The following PCDHA12 variants were observed in gnomAD, a reference collection of about 807,000 sequenced individuals.
PCDHA12 encodes the protein protocadherin alpha 12, also known as protocadherin alpha-12.
In PCDHA12, 44 loss-of-function variants were observed where a neutral mutation model predicts 60.0. That is an observed-to-expected ratio of 0.73 (90% CI 0.58 to 0.94). The LOEUF is 0.94. Among genes scored for constraint, PCDHA12 ranks in the 40% least tolerant of loss-of-function variants. PCDHA12 has a pLI of 0.00. For missense variants in PCDHA12, 1,276 were observed against 1,239.7 expected (o/e 1.03, Z -0.44); for synonymous variants, 569 against 553.0 (o/e 1.03, Z -0.40).
At chr5:140,977,816 T>C (rs2096776197) in intron 1 of PCDHA12, among the ~76,000 whole-genome samples, 1 of 152,190 alleles carries the variant, frequency 6.6e-6, no homozygotes, top group Non-Finnish European at 1.5e-5. Flanking sequence ...TTATTGACAG[T>C]TTTGAATGGT....
At chr5:140,886,042 A>G (rs1450330062) in intron 1 of PCDHA12, among the ~76,000 whole-genome samples, 1 of 152,222 alleles carries the variant, frequency 6.6e-6, no homozygotes, top group African/African-American at 2.4e-5. Context: ...GTTTTCCCCA[A>G]TAGTAACATC....
At chr5:140,965,703 G>T (rs1280783019) in intron 1 of PCDHA12, among the ~76,000 whole-genome samples, 1 of 152,178 alleles carries the variant, frequency 6.6e-6, no homozygotes, top group Non-Finnish European at 1.5e-5. Flanking sequence ...GAAAAAGCTT[G>T]AGAGAAGAAT....
intron 3 of PCDHA12, among the ~76,000 whole-genome samples, chr5:140,985,651 T>A (rs1413086230): frequency 6.6e-6 from 1 of 151,992 alleles, no homozygotes; most frequent in Non-Finnish European, 1.5e-5. Context: ...ACACTTGCAA[T>A]GGCTGAATAA....
At chr5:140,943,796 C>T (rs2093568961) in intron 1 of PCDHA12, among the ~76,000 whole-genome samples, 1 of 152,032 alleles carries the variant, frequency 6.6e-6, no homozygotes, top group Non-Finnish European at 1.5e-5. Flanking sequence ...TTATGCAAAG[C>T]AAAAGAGGAA....
intron 3 of PCDHA12, among the ~76,000 whole-genome samples, chr5:141,005,628 G>C: frequency 6.7e-6 from 1 of 148,974 alleles, no homozygotes; most frequent in Non-Finnish European, 1.5e-5. Context: ...CGTGAACCCG[G>C]GAGGCGGAGC....
At chr5:140,935,721 A>G (rs2090523952) in intron 1 of PCDHA12, among the ~76,000 whole-genome samples, 1 of 152,196 alleles carries the variant, frequency 6.6e-6, no homozygotes, top group African/African-American at 2.4e-5. Context: ...ATATATTTAG[A>G]GAAGTCTAGT....
intron 1 of PCDHA12, among the ~76,000 whole-genome samples, chr5:140,893,186 T>C (rs2063863300): frequency 6.6e-6 from 1 of 152,230 alleles, no homozygotes; most frequent in Admixed American, 6.5e-5. Context: ...GTAGCTATTG[T>C]GAATAGTGCT....
intron 1 of PCDHA12, among the ~76,000 whole-genome samples, chr5:140,976,765 C>T (rs1483381591): frequency 6.6e-6 from 1 of 152,172 alleles, no homozygotes; most frequent in Non-Finnish European, 1.5e-5. Context: ...CAGAAGCCTG[C>T]TAGACTCTGA....
At chr5:140,926,131 A>G (rs2082931602) in intron 1 of PCDHA12, among the ~76,000 whole-genome samples, 1 of 152,076 alleles carries the variant, frequency 6.6e-6, no homozygotes, top group Non-Finnish European at 1.5e-5. Context: ...TTCAACCCGC[A>G]GCAGGATCCA....
At position 140,875,630 on chromosome 5, in the gene PCDHA12, G is replaced by A; in HGVS notation, c.158G>A (p.Gly53Glu). Residue 53 changes from glycine (G) to glutamate (E), a missense_variant, in exon 1 of 4, where the codon GGG (glycine) becomes GAG (glutamate). Coordinates refer to ENST00000398631, the MANE Select transcript of PCDHA12 (RefSeq NM_018903.4). ...TFVGRIAQDL[G>E]LELAELVPRL... ...GTGGGCCGCATCGCTCAGGACCTGG[G>A]GCTGGAGCTGGCGGAGCTGGTGCCG... The A allele has an allele frequency of 6.2e-7, 1 of 1,613,686 alleles. No homozygotes were observed.
chr5:140,973,674 T>A (rs782774613), intron 1 of PCDHA12, among the ~76,000 whole-genome samples: 10 of 152,264 alleles, frequency 6.6e-5, no homozygotes, highest in Non-Finnish European at 1.3e-4. Flanking sequence ...GTAGCTTGAA[T>A]GTCATTGGCC....
Position 140,959,365 on chromosome 5 carries a change from C to A in PCDHA12, c.2368-19584C>A, listed in dbSNP as rs77362755. On this transcript the variant is annotated intron_variant, in intron 1 of 3. Transcript: ENST00000398631. ...ACTCCAGCGGGACAACTGAGTGAGA[C>A]CCTGTCTCAAAAAAAAAAGTCACAA... Among the ~76,000 whole-genome samples the A allele has an allele frequency of 1.0e-3, 158 of 151,880 alleles. 5 individuals carry two copies. In the East Asian group the frequency reaches 0.028, roughly 27 times the overall value.
chr5:140,891,635 G>A (rs1266162781), intron 1 of PCDHA12, among the ~76,000 whole-genome samples: 3 of 151,868 alleles, frequency 2.0e-5, no homozygotes, highest in African/African-American at 7.3e-5. Context: ...TTTGCTCTTT[G>A]GGCTTTATTG....
rs782166134 is a variant in PCDHA12 at position 140,929,299 on chromosome 5, G to C, written c.2368-49650G>C. Reference sequence around the variant, plus strand: ...CTGTATTCAGATTCGGAATAGGAAAGGGGATCACGCTAATGTCAATGCCAT... The same window carrying C: ...CTGTATTCAGATTCGGAATAGGAAACGGGATCACGCTAATGTCAATGCCAT... On this transcript the variant is annotated intron_variant, in intron 1 of 3. Coordinates refer to ENST00000398631, the MANE Select transcript of PCDHA12 (RefSeq NM_018903.4). 1.2e-5 allele frequency: 19 copies of C among 1,590,714 alleles called. No individual in the cohort carries two copies. The highest frequency in any genetic ancestry group is 1.6e-5 in the Non-Finnish European group (19 of 1,164,870).
intron 1 of PCDHA12, chr5:140,926,550 C>A (rs1235832737): frequency 1.7e-5 from 4 of 233,488 alleles, no homozygotes; most frequent in Admixed American, 5.6e-5. Context: ...TGGTCGAGAC[C>A]CCAGCCCGCT....
chr5:140,974,481 A>T (rs1017520033), intron 1 of PCDHA12, among the ~76,000 whole-genome samples: 4 of 152,178 alleles, frequency 2.6e-5, no homozygotes, highest in Non-Finnish European at 5.9e-5. Context: ...TTCCACCCAG[A>T]ATTCTCAAAT....
At chr5:140,902,125 A>G (rs530625414) in intron 1 of PCDHA12, among the ~76,000 whole-genome samples, 27 of 150,728 alleles carry the variant, frequency 1.8e-4, no homozygotes, top group African/African-American at 6.1e-4. Context: ...CTGAGATTAT[A>G]TCATCTGCAA....
At position 140,875,618 on chromosome 5, in the gene PCDHA12, C is replaced by T. The variant is rs1554167806; in HGVS notation, c.146C>T (p.Ala49Val). 5 of 1,613,806 alleles carry T rather than the reference C, an allele frequency of 3.1e-6. No homozygotes were observed. Among genetic ancestry groups the T allele is most frequent in the Non-Finnish European group, 3.4e-6 (4 of 1,180,026 alleles). ...AKHGTFVGRIAQDLGLELAEL... is the reference protein window; with the variant it reads ...AKHGTFVGRIVQDLGLELAEL... ...CACGGCACCTTCGTGGGCCGCATCG[C>T]TCAGGACCTGGGGCTGGAGCTGGCG... Residue 49 changes from alanine to valine, a missense_variant, in exon 1 of 4, where the codon GCT becomes GTT. By Grantham distance (64) the Ala-to-Val change is moderately conservative. Coordinates refer to ENST00000398631, the MANE Select transcript of PCDHA12 (RefSeq NM_018903.4).
At chr5:140,911,384 C>T (rs2075446155) in intron 1 of PCDHA12, among the ~76,000 whole-genome samples, 1 of 152,134 alleles carries the variant, frequency 6.6e-6, no homozygotes, top group Non-Finnish European at 1.5e-5. Flanking sequence ...TGTGCATGCA[C>T]CTTTCATTGC....
Sources: allele counts gnomAD v4.1 joint callset (sites outside exome capture counted in the v4.1 genomes callset), GRCh38; gene constraint gnomAD v4.1.1; transcripts MANE v1.5; gene names NCBI Gene and HGNC (gene_info 2026-07-23, HGNC 2026-07-21).